CMYA5: variants seen among roughly 807,000 people sequenced by gnomAD.
CMYA5 encodes the protein cardiomyopathy associated 5.
A neutral mutation model predicts 318.9 loss-of-function variants in CMYA5; 246 were observed. The ratio of observed to expected loss-of-function variants is 0.77; its 90% CI spans 0.70 to 0.86. The LOEUF (loss-of-function observed/expected upper bound fraction) is 0.86. Ranked by LOEUF, CMYA5 falls within the 40% of genes least tolerant of loss-of-function variation. The probability of loss-of-function intolerance (pLI) is 0.00; values close to 1 mark genes in which losing one functional copy is unlikely to be tolerated. For missense variants in CMYA5, 4,589 were observed against 4,678.2 expected, an observed-to-expected ratio of 0.98 and a Z score of 0.56; for synonymous variants, 1,641 against 1,729.5, an observed-to-expected ratio of 0.95 and a Z score of 1.27.
intron 6 of CMYA5, among the ~76,000 whole-genome samples, chr5:79,755,977 GTA>G (rs1339410919): frequency 1.3e-5 from 2 of 151,778 alleles, no homozygotes; most frequent in Admixed American, 1.3e-4. Context: ...ACAGCTCCAT[GTA>G]TAATTCATAG....
chr5:79,775,608 TAA>T (rs961606155), intron 9 of CMYA5, among the ~76,000 whole-genome samples: 3 of 152,186 alleles, frequency 2.0e-5, no homozygotes, highest in African/African-American at 7.2e-5. Context: ...CACATTTCAC[TAA>T]GAGAGACAAT....
chr5:79,767,743 T>C (rs1008453740), intron 9 of CMYA5, among the ~76,000 whole-genome samples: 6 of 152,222 alleles, frequency 3.9e-5, no homozygotes, highest in African/African-American at 1.4e-4. Context: ...AATTTTAGAA[T>C]AAGTGCAATG....
intron 9 of CMYA5, among the ~76,000 whole-genome samples, chr5:79,775,479 A>C (rs1043652619): frequency 1.3e-5 from 2 of 152,168 alleles, no homozygotes; most frequent in East Asian, 3.9e-4. Flanking sequence ...ACTGAACCTC[A>C]ATGGAACACA....
chr5:79,727,635 G>A (rs560310439), intron 1 of CMYA5, among the ~76,000 whole-genome samples: 111 of 152,270 alleles, frequency 7.3e-4, no homozygotes, highest in African/African-American at 2.6e-3. Flanking sequence ...CTGCTGCATT[G>A]GTCAGGAATG....
intron 12 of CMYA5, among the ~76,000 whole-genome samples, chr5:79,794,034 G>T (rs373988347): frequency 1.1e-4 from 17 of 152,176 alleles, no homozygotes; most frequent in African/African-American, 4.1e-4. Context: ...ACCACAGGGT[G>T]GAGAGAGACC....
At chr5:79,720,532 G>A (rs1352465973) in intron 1 of CMYA5, among the ~76,000 whole-genome samples, 2 of 149,980 alleles carry the variant, frequency 1.3e-5, no homozygotes, top group African/African-American at 5.0e-5. Context: ...CCCCTCCCAG[G>A]TTCAGGCAAT....
intron 1 of CMYA5, among the ~76,000 whole-genome samples, chr5:79,714,433 T>TTTC (rs1175221797): frequency 5.0e-5 from 7 of 138,814 alleles, no homozygotes; most frequent in African/African-American, 1.9e-4. Flanking sequence ...TTCTTTTTCT[T>TTTC]TTTTTTTTTT....
chr5:79,748,697 C>G (rs1053166469), intron 5 of CMYA5, among the ~76,000 whole-genome samples: 1 of 152,108 alleles, frequency 6.6e-6, no homozygotes, highest in African/African-American at 2.4e-5. Context: ...TGCGCTCCAC[C>G]GTGCCCTGCT....
At chr5:79,764,955 G>A (rs1192093978) in intron 9 of CMYA5, among the ~76,000 whole-genome samples, 2 of 152,150 alleles carry the variant, frequency 1.3e-5, no homozygotes, top group Non-Finnish European at 2.9e-5. Context: ...TCACTCTGAT[G>A]ATAGTTTCTT....
intron 9 of CMYA5, among the ~76,000 whole-genome samples, chr5:79,771,263 T>G (rs1259239872): frequency 6.6e-6 from 1 of 152,178 alleles, no homozygotes; most frequent in Non-Finnish European, 1.5e-5. Context: ...AAAGTCTAAG[T>G]TGTTAACCCT....
At chr5:79,763,910 A>G (rs1360930748) in intron 9 of CMYA5, among the ~76,000 whole-genome samples, 2 of 152,158 alleles carry the variant, frequency 1.3e-5, no homozygotes, top group African/African-American at 2.4e-5. Flanking sequence ...TTTGATAGAG[A>G]GGTTTTTAGG....
At chr5:79,719,062 A>G (rs1033030060) in intron 1 of CMYA5, among the ~76,000 whole-genome samples, 4 of 125,984 alleles carry the variant, frequency 3.2e-5, no homozygotes, top group African/African-American at 1.3e-4. Flanking sequence ...ACCTTCAGAT[A>G]AAAATAGAGA....
At chr5:79,745,519 C>A in intron 4 of CMYA5, 64 bp downstream of exon 4, 2 of 977,314 alleles carry the variant, frequency 2.0e-6, no homozygotes, top group Non-Finnish European at 3.2e-6. Flanking sequence ...ACTTTTAAAG[C>A]TTCATTTTTC....
intron 1 of CMYA5, among the ~76,000 whole-genome samples, chr5:79,694,817 AGCCTTCTTCTGAGGT>A (rs1561624706): frequency 6.6e-6 from 1 of 152,190 alleles, no homozygotes; most frequent in Admixed American, 6.5e-5. Flanking sequence ...TATTTGAGCC[AGCCTTCTTCTGAGGT>A]CAGTGGAAAG....
chr5:79,730,368 G>A lies in CMYA5; in HGVS notation c.1603G>A (p.Asp535Asn). The A allele has an allele frequency of 6.2e-7, 1 of 1,613,826 alleles. No individual in the cohort carries two copies. The highest frequency in any genetic ancestry group is 8.5e-7 in the Non-Finnish European group (1 of 1,179,862). Residue 535 changes from aspartate (D) to asparagine (N), a missense_variant, in exon 2 of 13, where the codon GAT becomes AAT. Transcript: ENST00000446378. Reference protein sequence around the residue: ...NLVEEEIVELDYPESPLVSEK... With the variant: ...NLVEEEIVELNYPESPLVSEK... ...AGTAGAAGAAGAGATCGTAGAACTT[G>A]ATTACCCAGAAAGCCCATTGGTTTC...
intron 9 of CMYA5, among the ~76,000 whole-genome samples, chr5:79,769,065 C>G (rs1034662827): frequency 6.6e-6 from 1 of 151,890 alleles, no homozygotes; most frequent in East Asian, 1.9e-4. Flanking sequence ...CTCTGATAAC[C>G]TTTCTTCCGC....
intron 9 of CMYA5, among the ~76,000 whole-genome samples, chr5:79,775,012 C>T (rs1485919539): frequency 6.6e-6 from 1 of 152,186 alleles, no homozygotes; most frequent in East Asian, 1.9e-4. Flanking sequence ...GTCATTCCTG[C>T]TCCTTGCTTC....
rs769319888 is a variant in CMYA5 at position 79,731,317 on chromosome 5, C to T, written c.2552C>T (p.Ala851Val). 1 of 1,613,704 alleles carries T rather than the reference C, an allele frequency of 6.2e-7. No individual in the cohort carries two copies. The highest frequency in any genetic ancestry group is 1.1e-5 in the South Asian group (1 of 91,068). ...CCATCTTCCCCAGATTTGGTTGTTGCATCTGAACACTCTTTCCCACCACAC... is the reference window on the plus strand; with the variant it reads ...CCATCTTCCCCAGATTTGGTTGTTGTATCTGAACACTCTTTCCCACCACAC... Reference protein sequence around the residue: ...IGPSSPDLVVASEHSFPPHTT... With the variant: ...IGPSSPDLVVVSEHSFPPHTT... The change falls in exon 2 of 13, where the codon GCA (alanine) becomes GTA (valine). Residue 851 changes from alanine to valine, a missense_variant. Ala to Val is a moderately conservative substitution (Grantham distance 64, BLOSUM62 0). Around this residue, in one of 3 missense-constraint regions of CMYA5, gnomAD observed 2,132 missense variants for 2,131.3 expected, o/e 1.00. Transcript: ENST00000446378.
At chr5:79,753,949 A>G (rs1828480402) in intron 6 of CMYA5, among the ~76,000 whole-genome samples, 1 of 152,260 alleles carries the variant, frequency 6.6e-6, no homozygotes, top group Non-Finnish European at 1.5e-5. Context: ...GGGATTCATT[A>G]TATGCCACTG....
Sources: gnomAD v4.1 joint callset for allele counts (sites outside exome capture counted in the v4.1 genomes callset) on GRCh38, gnomAD v4.1.1 for gene constraint, gnomAD v4.1.1 regional missense constraint, MANE v1.5 for transcripts, NCBI Gene and HGNC (gene_info 2026-07-23, HGNC 2026-07-21) for gene names.